N4BP2: variants seen among roughly 807,000 people sequenced by gnomAD.
The protein encoded by N4BP2 is NEDD4-binding protein 2.
Under a neutral mutation model 152.8 loss-of-function variants are expected in N4BP2, and 91 were observed. The ratio of observed to expected loss-of-function variants is 0.60; its 90% CI spans 0.50 to 0.71. The LOEUF is 0.71. N4BP2 is among the 30% of genes least tolerant of loss of function. The pLI is 0.00. For synonymous variants in N4BP2, 646 were observed against 705.3 expected (o/e 0.92, Z 1.33); for missense variants, 1,923 against 2,059.1 (o/e 0.93, Z 1.28).
the N4BP2 span, among the ~76,000 whole-genome samples, chr4:40,169,388 A>C: frequency 6.6e-6 from 1 of 151,846 alleles, no homozygotes; most frequent in African/African-American, 2.4e-5. Context: ...TCAAAAAAAA[A>C]AAAAACCTTA....
At chr4:40,117,169 C>A (rs928460465) in intron 7 of N4BP2, among the ~76,000 whole-genome samples, 1 of 152,112 alleles carries the variant, frequency 6.6e-6, no homozygotes, top group African/African-American at 2.4e-5. Flanking sequence ...TTGCTTCCGT[C>A]CCATGCATTC....
At chr4:40,166,289 G>A in the N4BP2 span, among the ~76,000 whole-genome samples, 272 of 152,280 alleles carry the variant, frequency 1.8e-3, no homozygotes, top group African/African-American at 6.1e-3. Flanking sequence ...GCTATCTGGC[G>A]GGATAGGCCT....
At chr4:40,113,030 C>T (rs1170401908) in intron 6 of N4BP2, among the ~76,000 whole-genome samples, 1 of 152,152 alleles carries the variant, frequency 6.6e-6, no homozygotes. Flanking sequence ...CCTTTCTTAA[C>T]ATTTTTTTAA....
chr4:40,146,065 G>A (rs1156301473), intron 16 of N4BP2, among the ~76,000 whole-genome samples: 2 of 152,104 alleles, frequency 1.3e-5, no homozygotes, highest in Non-Finnish European at 2.9e-5. Flanking sequence ...GGGAGGCTGA[G>A]GCAGGGAGAA....
intron 2 of N4BP2, among the ~76,000 whole-genome samples, chr4:40,093,580 T>C (rs1714827728): frequency 6.9e-6 from 1 of 144,482 alleles, no homozygotes; most frequent in Admixed American, 7.2e-5. Context: ...CTAATTTTTG[T>C]ATTTGTATTA....
chr4:40,120,951 G>A lies in N4BP2; in HGVS notation c.2840G>A (p.Gly947Glu), dbSNP rs1180189145. The A allele has an allele frequency of 1.2e-6, 2 of 1,614,176 alleles. No homozygotes were observed. The highest frequency in any genetic ancestry group is 8.5e-7 in the Non-Finnish European group (1 of 1,180,026). The change falls in exon 9 of 18, where the codon GGA becomes GAA. Residue 947 changes from glycine to glutamate, a missense_variant. Physicochemically the swap from Gly to Glu is moderately conservative, Grantham distance 98. Coordinates refer to ENST00000261435, the MANE Select transcript of N4BP2 (RefSeq NM_018177.6). ...AAGACATTGGGTAGCTCCAATCTAG[G>A]AAGTTCTGAAATGCTGCTCAGTGAA... ...KLKTLGSSNL[G>E]SSEMLLSEMT...
chr4:40,101,900 CAG>C (rs1376186668), intron 3 of N4BP2, among the ~76,000 whole-genome samples, 173 bp from the exon 4 acceptor site: 2 of 152,124 alleles, frequency 1.3e-5, no homozygotes, highest in Non-Finnish European at 2.9e-5. Flanking sequence ...TTTGCTACTA[CAG>C]ACTTTGGTAT....
At chr4:40,183,794 G>A in the N4BP2 span, among the ~76,000 whole-genome samples, 14 of 152,324 alleles carry the variant, frequency 9.2e-5, no homozygotes, top group Admixed American at 2.6e-4. Flanking sequence ...TGGTAAGTGA[G>A]TCAACAATGC....
At chr4:40,100,445 A>G (rs1034281797) in intron 3 of N4BP2, among the ~76,000 whole-genome samples, 2 of 146,370 alleles carry the variant, frequency 1.4e-5, no homozygotes, top group South Asian at 4.2e-4. Flanking sequence ...AATCACTTTC[A>G]CTAGAGGCTC....
intron 12 of N4BP2, among the ~76,000 whole-genome samples, chr4:40,129,569 G>A (rs953247333): frequency 2.0e-5 from 3 of 152,036 alleles, no homozygotes; most frequent in African/African-American, 7.2e-5. Context: ...ATAGAAGCTG[G>A]TTGGCTTTGT....
rs768746356 is a variant in N4BP2 at position 40,120,799 on chromosome 4, C to A, written c.2688C>A (p.His896Gln). 1 of 1,614,126 alleles carries A rather than the reference C, an allele frequency of 6.2e-7. No individual in the cohort carries two copies. Among genetic ancestry groups the A allele is most frequent in the South Asian group, 1.1e-5 (1 of 91,072 alleles). Residue 896 changes from histidine (H) to glutamine (Q), a missense_variant, in exon 9 of 18, where the codon CAC (histidine) becomes CAA (glutamine). His to Gln is a conservative substitution (Grantham distance 24). Coordinates refer to ENST00000261435, the MANE Select transcript of N4BP2 (RefSeq NM_018177.6). The stretch of plus-strand genomic sequence containing the variant: ...CTGATTCTTTAGCTCAGAGGGAACA[C>A]AGATCAAGAATGCCAAAGACTGGTT... ...PSSDSLAQRE[H>Q]RSRMPKTGLS... is the part of the protein sequence containing the mutation.
chr4:40,093,044 A>G (rs963939948), intron 2 of N4BP2, among the ~76,000 whole-genome samples: 4 of 151,578 alleles, frequency 2.6e-5, no homozygotes, highest in African/African-American at 9.7e-5. Flanking sequence ...CCTGGGTTCA[A>G]ACGATTCTCC....
At chr4:40,094,337 G>T (rs541816304) in intron 2 of N4BP2, among the ~76,000 whole-genome samples, 21 of 152,220 alleles carry the variant, frequency 1.4e-4, no homozygotes, top group Non-Finnish European at 2.5e-4. Flanking sequence ...GGAGTGTTCT[G>T]TAAGTGTTGA....
At chr4:40,125,005 C>T (rs1361499304) in intron 11 of N4BP2, among the ~76,000 whole-genome samples, 1 of 152,182 alleles carries the variant, frequency 6.6e-6, no homozygotes. Context: ...TCTTCAGTGA[C>T]TGTTGCAGGG....
chr4:40,123,329 A>G, intron 10 of N4BP2, 117 bp downstream of exon 10: 1 of 620,594 alleles, frequency 1.6e-6, no homozygotes, highest in South Asian at 2.4e-5. Context: ...TTTGAGATGG[A>G]AGAGTTCTAT....
chr4:40,094,075 G>T (rs577735869), intron 2 of N4BP2, among the ~76,000 whole-genome samples: 33 of 152,152 alleles, frequency 2.2e-4, no homozygotes, highest in African/African-American at 7.5e-4. Flanking sequence ...ATTTTCATTG[G>T]CATTCAATTT....
In N4BP2 at chr4:40,122,198, C is replaced by G. The variant is rs769828568; in HGVS notation, c.4087C>G (p.Pro1363Ala). ...SGEDKTEILN[P>A]TPAMAKSLTI... ...GGAAGATAAAACCGAGATATTGAAT[C>G]CCACTCCAGCGATGGCCAAATCTCT... The change falls in exon 9 of 18, where the codon CCC becomes GCC. Residue 1363 changes from proline to alanine, a missense_variant. Coordinates refer to ENST00000261435, the MANE Select transcript of N4BP2 (RefSeq NM_018177.6). 6.2e-7 allele frequency: 1 copy of G among 1,613,768 alleles called. No homozygotes were observed. The highest frequency in any genetic ancestry group is 2.2e-5 in the East Asian group (1 of 44,882).
chr4:40,169,736 G>T, the N4BP2 span, among the ~76,000 whole-genome samples: 1 of 150,482 alleles, frequency 6.6e-6, no homozygotes. Flanking sequence ...AGGCCGAGGT[G>T]GGTGGATCAC....
At chr4:40,122,908 AC>A (rs1191350620) in intron 9 of N4BP2, among the ~76,000 whole-genome samples, 1 of 152,252 alleles carries the variant, frequency 6.6e-6, no homozygotes, top group African/African-American at 2.4e-5. Context: ...ACTTAGATTT[AC>A]TGTGAAGCTT....
Sources: gnomAD v4.1 joint callset for allele counts (sites outside exome capture counted in the v4.1 genomes callset) on GRCh38, gnomAD v4.1.1 for gene constraint, MANE v1.5 for transcripts, NCBI Gene and HGNC (gene_info 2026-07-23, HGNC 2026-07-21) for gene names.